GADL1: variants seen among roughly 807,000 people sequenced by gnomAD.
GADL1 encodes the protein GAD like acidic amino acid decarboxylase 1.
Under a neutral mutation model 69.5 loss-of-function variants are expected in GADL1, and 71 were observed. That is an observed-to-expected ratio of 1.02 (90% CI 0.84 to 1.25). The LOEUF is 1.25. Among genes scored for constraint, GADL1 ranks in the 50% most tolerant of loss-of-function variants. The probability of loss-of-function intolerance (pLI) is 0.00; values close to 1 mark genes in which losing one functional copy is unlikely to be tolerated. For synonymous variants in GADL1, 254 were observed against 214.4 expected (o/e 1.18, Z -1.62); for missense variants, 737 against 631.8 (o/e 1.17, Z -1.79).
intron 12 of GADL1, 27 bp downstream of exon 12, chr3:30,800,861 AG>A (rs1697147280): frequency 2.2e-6 from 3 of 1,359,312 alleles, no homozygotes; most frequent in African/African-American, 2.9e-5. Context: ...AGAAAGAGAG[AG>A]AGAGAGAGAG....
chr3:30,730,333 T>G (rs1415818632), intron 14 of GADL1, among the ~76,000 whole-genome samples: 39 of 152,146 alleles, frequency 2.6e-4, no homozygotes, highest in Non-Finnish European at 4.4e-5. Flanking sequence ...TTGTAAAAAC[T>G]AAGTTGAGTC....
intron 14 of GADL1, among the ~76,000 whole-genome samples, chr3:30,755,790 G>C (rs1695954911): frequency 6.6e-6 from 1 of 151,078 alleles, no homozygotes. Context: ...CCTATGTTGT[G>C]ATTAGAAAAA....
intron 9 of GADL1, among the ~76,000 whole-genome samples, chr3:30,835,416 G>A (rs1043948114): frequency 7.2e-5 from 11 of 152,086 alleles, no homozygotes; most frequent in African/African-American, 2.2e-4. Flanking sequence ...CTGCACCACA[G>A]ATATGGAAGA....
intron 14 of GADL1, among the ~76,000 whole-genome samples, chr3:30,741,435 T>C (rs914809126): frequency 1.1e-4 from 16 of 152,166 alleles, no homozygotes; most frequent in African/African-American, 7.2e-5. Context: ...CCAGTGTGTA[T>C]TGGAAACATG....
intron 11 of GADL1, among the ~76,000 whole-genome samples, chr3:30,817,909 G>C (rs1208596614): frequency 2.0e-5 from 3 of 152,216 alleles, no homozygotes; most frequent in Admixed American, 6.5e-5. Flanking sequence ...CAAAAGAGAA[G>C]TGGTGAACTT....
At chr3:30,756,288 A>G (rs1695967373) in intron 14 of GADL1, among the ~76,000 whole-genome samples, 1 of 152,106 alleles carries the variant, frequency 6.6e-6, no homozygotes. Context: ...GTTTCCTCCT[A>G]CATAAGATGA....
intron 12 of GADL1, chr3:30,798,374 T>C (rs1332309605): frequency 6.5e-6 from 1 of 153,058 alleles, no homozygotes; most frequent in Non-Finnish European, 1.5e-5. Context: ...CAAAAGGCAC[T>C]TCTTACGTGG....
In GADL1 at chr3:30,797,145, G is replaced by T. The variant is rs532254673; in HGVS notation, c.1250+3744C>A. On this transcript the variant is annotated intron_variant, in intron 12 of 14. Transcript: ENST00000282538. ...TTTGCCTTCTTGGCCTTCTGTCATG[G>T]CCATCTCAAGAATGCGCTGGCTAGT... 2.0e-5 allele frequency among the ~76,000 whole-genome samples: 3 copies of T among 152,104 alleles called. No homozygotes were observed. In the East Asian group the frequency reaches 5.8e-4, roughly 29 times the overall value.
chr3:30,851,733 C>T lies in GADL1; in HGVS notation c.429-792G>A, dbSNP rs370865549. 1.2e-4 allele frequency among the ~76,000 whole-genome samples: 19 copies of T among 152,188 alleles called. No homozygotes were observed. In the South Asian group the frequency reaches 1.7e-3, roughly 13 times the overall value. On this transcript the variant is annotated intron_variant, in intron 4 of 14. Transcript: ENST00000282538. ...GGGCCACTGTAGTTCCAGAGATCTC[C>T]GAGCGTCAGCCAAGATTGTCATGGA...
intron 3 of GADL1, 131 bp from the exon 4 acceptor site, chr3:30,854,920 C>T (rs1435110486): frequency 3.5e-6 from 2 of 569,580 alleles, no homozygotes; most frequent in South Asian, 5.0e-5. Context: ...TAACGTAATT[C>T]CATTTATATG....
At position 30,850,926 on chromosome 3, in the gene GADL1, C is replaced by T; in HGVS notation, c.444G>A (p.Val148=). The change falls in exon 5 of 15, where the codon GTG becomes GTA. Residue 148 remains valine (V), a synonymous_variant. Coordinates refer to ENST00000282538, the MANE Select transcript of GADL1 (RefSeq NM_207359.3). ...CTTCCACTAACAGAAACACTGGGGA[C>T]ACCTCATACGTATAACTAGATAGAT... ...ALNPSVYTYE[V]SPVFLLVEEA... The T allele has an allele frequency of 6.5e-7, 1 of 1,539,894 alleles. No individual in the cohort carries two copies. The highest frequency in any genetic ancestry group is 8.8e-7 in the Non-Finnish European group (1 of 1,136,452).
In GADL1 at chr3:30,800,876, GA is replaced by G; in HGVS notation, c.1250+12del. 1.3e-6 allele frequency: 2 copies of G among 1,563,972 alleles called. No homozygotes were observed. The highest frequency in any genetic ancestry group is 1.1e-5 in the South Asian group (1 of 89,930). ...AGAAAGAGAGAGAGAGAGAGAGAGA[GA>G]GAGGCTAGTACCTAGATAAAGCAAG... On this transcript the variant is annotated intron_variant, in intron 12 of 14. Transcript: ENST00000282538.
intron 1 of GADL1, among the ~76,000 whole-genome samples, chr3:30,873,978 A>T (rs1698539164): frequency 6.6e-6 from 1 of 151,956 alleles, no homozygotes; most frequent in African/African-American, 2.4e-5. Flanking sequence ...TGAGAAGCTC[A>T]TTGGAATGGC....
intron 13 of GADL1, among the ~76,000 whole-genome samples, chr3:30,779,892 C>G (rs1031933676): frequency 3.3e-5 from 5 of 152,172 alleles, no homozygotes; most frequent in East Asian, 3.9e-4. Context: ...GCTGGAGAGA[C>G]ACTGGAGAAG....
intron 14 of GADL1, among the ~76,000 whole-genome samples, chr3:30,774,701 C>G (rs1259505314): frequency 6.6e-6 from 1 of 152,054 alleles, no homozygotes; most frequent in African/African-American, 2.4e-5. Context: ...TTTTACAAAA[C>G]TGTATAGGGA....
chr3:30,815,148 C>A (rs1697440705), intron 11 of GADL1, among the ~76,000 whole-genome samples: 1 of 151,926 alleles, frequency 6.6e-6, no homozygotes, highest in Non-Finnish European at 1.5e-5. Flanking sequence ...AAAATCAAGA[C>A]CCATACTGGC....
intron 11 of GADL1, among the ~76,000 whole-genome samples, chr3:30,828,478 G>GT (rs1259040691): frequency 3.4e-5 from 3 of 88,382 alleles, no homozygotes; most frequent in East Asian, 3.1e-4. Context: ...AAAAATAAAA[G>GT]TGGGGGGGGT....
chr3:30,771,872 C>G (rs1012146308), intron 14 of GADL1, among the ~76,000 whole-genome samples: 1 of 148,526 alleles, frequency 6.7e-6, no homozygotes, highest in African/African-American at 2.6e-5. Context: ...ACGTTATACA[C>G]AGGATTGCTG....
At chr3:30,810,933 G>A (rs765760223) in intron 11 of GADL1, among the ~76,000 whole-genome samples, 4 of 152,084 alleles carry the variant, frequency 2.6e-5, no homozygotes, top group African/African-American at 7.2e-5. Context: ...AGTGGTTTAC[G>A]CATTACCAGC....
Sources: gnomAD v4.1 joint callset for allele counts (sites outside exome capture counted in the v4.1 genomes callset) on GRCh38, gnomAD v4.1.1 for gene constraint, MANE v1.5 for transcripts, NCBI Gene and HGNC (gene_info 2026-07-23, HGNC 2026-07-21) for gene names.